WDR49: variants seen among roughly 807,000 people sequenced by gnomAD.
WDR49 encodes the protein WD repeat domain 49, also known as cilia- and flagella-associated protein 337.
In WDR49, 107 loss-of-function variants were observed where a neutral mutation model predicts 119.5. The observed-to-expected ratio is 0.90, with a 90% CI of 0.77 to 1.05. WDR49 has a LOEUF of 1.05. Among genes scored for constraint, WDR49 ranks in the 50% least tolerant of loss-of-function variants. The pLI, the probability that WDR49 is intolerant of heterozygous loss-of-function variation, is 0.00. For synonymous variants in WDR49, 425 were observed against 418.8 expected, an observed-to-expected ratio of 1.01 and a Z score of -0.18; for missense variants, 1,240 against 1,220.5, an observed-to-expected ratio of 1.02 and a Z score of -0.24.
chr3:167,642,014 G>C (rs1391449735), intron 2 of WDR49, among the ~76,000 whole-genome samples: 1 of 151,852 alleles, frequency 6.6e-6, no homozygotes, highest in Non-Finnish European at 1.5e-5. Context: ...AATGAAAATT[G>C]TTATCAAGAC....
chr3:167,600,325 C>T (rs1194628530), intron 7 of WDR49, among the ~76,000 whole-genome samples: 1 of 152,106 alleles, frequency 6.6e-6, no homozygotes, highest in African/African-American at 2.4e-5. Flanking sequence ...CACTACGACT[C>T]ACCTAGGAGT....
intron 18 of WDR49, among the ~76,000 whole-genome samples, chr3:167,496,716 A>G (rs1385639169): frequency 1.3e-5 from 2 of 152,212 alleles, no homozygotes; most frequent in African/African-American, 2.4e-5. Context: ...CACAAATGCT[A>G]CTATATGTAA....
intron 16 of WDR49, 43 bp downstream of exon 16, chr3:167,522,272 C>T (rs779156912): frequency 6.6e-7 from 1 of 1,518,998 alleles, no homozygotes; most frequent in Non-Finnish European, 8.8e-7. Context: ...TATGTCTTAT[C>T]TAGACTTCAG....
chr3:167,478,884 C>G lies in WDR49; in HGVS notation c.3144G>C (p.Lys1048Asn), dbSNP rs759835741. 1.9e-6 allele frequency: 3 copies of G among 1,600,152 alleles called. No homozygotes were observed. The highest frequency in any genetic ancestry group is 1.3e-5 in the African/African-American group (1 of 74,304). Reference protein sequence around the residue: ...QEKSCEVKKNKK With the variant: ...QEKSCEVKKNNK ...GAAGGTTTTTCTGTTGTAATTACTT[C>G]TTATTTTTCTTCACTTCACAACTTT... is the stretch of plus-strand genomic sequence containing the variant. Residue 1048 changes from lysine (K) to asparagine (N), a missense_variant, in exon 19 of 19, where the codon AAG (lysine) becomes AAC (asparagine). Lys to Asn is a moderately conservative substitution (Grantham distance 94, BLOSUM62 0). Coordinates refer to ENST00000682715, the MANE Select transcript of WDR49 (RefSeq NM_001366157.1).
chr3:167,537,244 C>A (rs1386253069), intron 10 of WDR49, among the ~76,000 whole-genome samples: 5 of 152,186 alleles, frequency 3.3e-5, no homozygotes, highest in Non-Finnish European at 7.4e-5. Flanking sequence ...TAATCGTTAA[C>A]AACAAACCAT....
chr3:167,550,778 TGAGAGAGA>T (rs757566403), intron 10 of WDR49, among the ~76,000 whole-genome samples: 1 of 144,014 alleles, frequency 6.9e-6, no homozygotes, highest in African/African-American at 2.6e-5. Flanking sequence ...TTTTTTTTTT[TGAGAGAGA>T]GAGAGAGAGA....
At chr3:167,495,783 T>C (rs1381100845) in intron 18 of WDR49, among the ~76,000 whole-genome samples, 1 of 148,750 alleles carries the variant, frequency 6.7e-6, no homozygotes, top group African/African-American at 2.5e-5. Flanking sequence ...TAAAGAGAAG[T>C]ATTTTAAAAG....
chr3:167,563,911 T>C (rs755419025), intron 8 of WDR49, among the ~76,000 whole-genome samples: 1 of 152,182 alleles, frequency 6.6e-6, no homozygotes, highest in Non-Finnish European at 1.5e-5. Context: ...GCCATTTCAG[T>C]ACCAAAAGAT....
At chr3:167,650,133 A>G (rs908197817) in intron 2 of WDR49, among the ~76,000 whole-genome samples, 6 of 152,322 alleles carry the variant, frequency 3.9e-5, no homozygotes, top group African/African-American at 1.4e-4. Context: ...CTCAATAAAT[A>G]TCAAGCTCCA....
rs1490881597 is a variant in WDR49, at chr3:167,576,041, T to G, written c.1386A>C (p.Gly462=). ...RCLFHFDEAH[G]RLFISFNNQL... ...GGTTATTAAACGAGATGAAAAGTCG[T>G]CCATGGGCTTCATCAAAGTGGAAGA... The change falls in exon 8 of 19, where the codon GGA becomes GGC. Residue 462 remains glycine (G), a synonymous_variant. Transcript: ENST00000682715. The G allele has an allele frequency of 2.5e-6, 4 of 1,614,168 alleles. No homozygotes were observed.
At chr3:167,488,741 G>A (rs564852765) in intron 18 of WDR49, among the ~76,000 whole-genome samples, 5 of 152,072 alleles carry the variant, frequency 3.3e-5, no homozygotes, top group African/African-American at 9.6e-5. Context: ...TAAATCCTCT[G>A]AAGGCTTCCC....
intron 7 of WDR49, among the ~76,000 whole-genome samples, chr3:167,596,679 A>G (rs1202369616): frequency 7.8e-6 from 1 of 128,804 alleles, no homozygotes. Flanking sequence ...ATGAGAACAC[A>G]TGGACACAGG....
At chr3:167,492,145 G>GT (rs78618438) in intron 18 of WDR49, among the ~76,000 whole-genome samples, 585 of 143,274 alleles carry the variant, frequency 4.1e-3, no homozygotes, top group Middle Eastern at 0.011. Context: ...GGTAATTGAA[G>GT]TTTTTTTTTT....
chr3:167,568,254 G>T (rs545753899), intron 8 of WDR49, among the ~76,000 whole-genome samples: 2 of 152,124 alleles, frequency 1.3e-5, no homozygotes, highest in Non-Finnish European at 2.9e-5. Flanking sequence ...TGTTATTTTG[G>T]TATTTTTTGT....
chr3:167,633,464 G>C (rs1469928197), intron 2 of WDR49: 1 of 456,112 alleles, frequency 2.2e-6, no homozygotes, highest in Non-Finnish European at 4.4e-6. Flanking sequence ...TCATCCATGT[G>C]AGTAATCCCA....
At chr3:167,522,717 A>G (rs1025909613) in intron 15 of WDR49, among the ~76,000 whole-genome samples, 1 of 152,188 alleles carries the variant, frequency 6.6e-6, no homozygotes, top group Non-Finnish European at 1.5e-5. Flanking sequence ...AGAAACAAAA[A>G]TTCTCTGAAG....
intron 7 of WDR49, among the ~76,000 whole-genome samples, chr3:167,598,367 G>A (rs1715597164): frequency 6.6e-6 from 1 of 152,140 alleles, no homozygotes; most frequent in Non-Finnish European, 1.5e-5. Flanking sequence ...GGAGGGGCCA[G>A]GGTGTAATGA....
upstream of WDR49, among the ~76,000 whole-genome samples, chr3:167,655,525 T>C (rs1718572135): frequency 6.6e-6 from 1 of 152,144 alleles, no homozygotes; most frequent in African/African-American, 2.4e-5. Context: ...CCTGTACCCA[T>C]TATAGAAAAA....
At chr3:167,635,902 T>C (rs1295008369) in intron 2 of WDR49, among the ~76,000 whole-genome samples, 1 of 151,750 alleles carries the variant, frequency 6.6e-6, no homozygotes, top group Non-Finnish European at 1.5e-5. Context: ...AGTCAACAAA[T>C]GTTTATTAAG....
Sources: gnomAD v4.1 joint callset for allele counts (sites outside exome capture counted in the v4.1 genomes callset) on GRCh38, gnomAD v4.1.1 for gene constraint, MANE v1.5 for transcripts, NCBI Gene and HGNC (gene_info 2026-07-23, HGNC 2026-07-21) for gene names.